Variants in ACBD6 observed in about 807,000 individuals in gnomAD.
ACBD6 encodes acyl-CoA binding domain containing 6, also known as acyl-CoA-binding domain-containing protein 6.
A neutral mutation model predicts 37.2 loss-of-function variants in ACBD6; 28 were observed. That is an observed-to-expected ratio of 0.75 (90% CI 0.56 to 1.03). The LOEUF (loss-of-function observed/expected upper bound fraction) is 1.03. Among genes scored for constraint, ACBD6 ranks in the 50% least tolerant of loss-of-function variants. The pLI, the probability that ACBD6 is intolerant of heterozygous loss-of-function variation, is 0.00. For synonymous variants in ACBD6, 113 were observed against 126.8 expected, an observed-to-expected ratio of 0.89 and a Z score of 0.73; for missense variants, 340 against 337.4, an observed-to-expected ratio of 1.01 and a Z score of -0.06.
intron 7 of ACBD6, among the ~76,000 whole-genome samples, chr1:180,301,147 A>G (rs74132456): frequency 0.052 from 7,871 of 152,258 alleles, 657 homozygotes; most frequent in African/African-American, 0.17. Context: ...CACAGAAACA[A>G]TAACACCACT....
At chr1:180,439,185 T>G (rs1649179786) in intron 3 of ACBD6, among the ~76,000 whole-genome samples, 1 of 152,204 alleles carries the variant, frequency 6.6e-6, no homozygotes, top group Non-Finnish European at 1.5e-5. Context: ...TCAGTAGTGT[T>G]AACTATATGC....
At chr1:180,282,066 G>A (rs1405669454) in intron 8 of ACBD6, among the ~76,000 whole-genome samples, 1 of 151,900 alleles carries the variant, frequency 6.6e-6, no homozygotes, top group East Asian at 1.9e-4. Context: ...TTTTCCTTTA[G>A]CCATCTCCAA....
chr1:180,497,341 C>T (rs1651777983), intron 1 of ACBD6, among the ~76,000 whole-genome samples: 1 of 151,992 alleles, frequency 6.6e-6, no homozygotes, highest in African/African-American at 2.4e-5. Flanking sequence ...AAAAGTGATA[C>T]AAATACCTTC....
chr1:180,412,480 G>A (rs1479008223), intron 5 of ACBD6, among the ~76,000 whole-genome samples: 2 of 152,180 alleles, frequency 1.3e-5, no homozygotes, highest in African/African-American at 4.8e-5. Context: ...ATGATTAGAA[G>A]TGAGTTAGCA....
intron 6 of ACBD6, among the ~76,000 whole-genome samples, chr1:180,318,794 G>A (rs1650937179): frequency 6.6e-6 from 1 of 152,150 alleles, no homozygotes; most frequent in Admixed American, 6.5e-5. Context: ...TACCCCATAG[G>A]TATTGAGACT....
At chr1:180,290,973 A>G (rs1649684585) in intron 7 of ACBD6, among the ~76,000 whole-genome samples, 1 of 152,154 alleles carries the variant, frequency 6.6e-6, no homozygotes, top group South Asian at 2.1e-4. Context: ...TTCTGTCCCT[A>G]TAGTTTTGTC....
At chr1:180,398,244 G>A (rs1654339511) in intron 5 of ACBD6, among the ~76,000 whole-genome samples, 1 of 152,126 alleles carries the variant, frequency 6.6e-6, no homozygotes, top group African/African-American at 2.4e-5. Flanking sequence ...TGAACTGTAA[G>A]AAAATGCTTT....
At chr1:180,308,675 G>A (rs1571342994) in intron 7 of ACBD6, among the ~76,000 whole-genome samples, 1 of 152,228 alleles carries the variant, frequency 6.6e-6, no homozygotes, top group African/African-American at 2.4e-5. Context: ...TGGCTCATGT[G>A]CAGGATCTCA....
chr1:180,290,833 C>T (rs1558235830), intron 7 of ACBD6, among the ~76,000 whole-genome samples: 1 of 152,160 alleles, frequency 6.6e-6, no homozygotes, highest in Non-Finnish European at 1.5e-5. Context: ...GTTGAAAGTA[C>T]AGAGGTTGGA....
intron 6 of ACBD6, among the ~76,000 whole-genome samples, chr1:180,341,292 A>C: frequency 6.6e-6 from 1 of 152,182 alleles, no homozygotes; most frequent in Admixed American, 6.5e-5. Context: ...CTAGGTAGTC[A>C]TAAGAAATTA....
chr1:180,334,676 G>A (rs997755753), intron 6 of ACBD6, among the ~76,000 whole-genome samples: 6 of 152,204 alleles, frequency 3.9e-5, no homozygotes, highest in Non-Finnish European at 7.3e-5. Flanking sequence ...ACTTTGATGA[G>A]TTGAGAGAAG....
chr1:180,455,048 C>A (rs936976319), intron 3 of ACBD6, among the ~76,000 whole-genome samples: 3 of 152,170 alleles, frequency 2.0e-5, no homozygotes, highest in Admixed American at 2.0e-4. Flanking sequence ...ATAAATCATG[C>A]TGCTATAAAG....
chr1:180,331,101 T>C (rs1651462168), intron 6 of ACBD6, among the ~76,000 whole-genome samples: 3 of 152,210 alleles, frequency 2.0e-5, no homozygotes, highest in Admixed American at 2.0e-4. Flanking sequence ...ATGTGGGGTC[T>C]ATCTTGGCTT....
chr1:180,475,910 T>G (rs1650760308), intron 3 of ACBD6, among the ~76,000 whole-genome samples: 1 of 152,206 alleles, frequency 6.6e-6, no homozygotes, highest in Non-Finnish European at 1.5e-5. Flanking sequence ...TCATTTTCCC[T>G]TTTACTTAAA....
intron 3 of ACBD6, among the ~76,000 whole-genome samples, chr1:180,439,857 C>T (rs907589633): frequency 6.6e-6 from 1 of 152,122 alleles, no homozygotes; most frequent in South Asian, 2.1e-4. Flanking sequence ...GGAGTGATAA[C>T]TTGCAGGTTC....
chr1:180,328,679 G>A (rs900780418), intron 6 of ACBD6, among the ~76,000 whole-genome samples: 13 of 151,982 alleles, frequency 8.6e-5, no homozygotes, highest in African/African-American at 1.2e-4. Context: ...TGAGAAATTC[G>A]AAGTAGTAAT....
At chr1:180,323,879 T>C (rs1398225387) in intron 6 of ACBD6, among the ~76,000 whole-genome samples, 4 of 344 alleles carry the variant, frequency 0.012, 2 homozygotes, top group Non-Finnish European at 0.018. Context: ...TTTTTTTTTT[T>C]TTTTTTTTTT....
At chr1:180,310,359 T>A (rs116424366) in intron 7 of ACBD6, among the ~76,000 whole-genome samples, 1 of 152,074 alleles carries the variant, frequency 6.6e-6, no homozygotes, top group African/African-American at 2.4e-5. Flanking sequence ...AAACACTGAC[T>A]CACAAACAAA....
chr1:180,500,985 A>G (rs562259449), intron 1 of ACBD6, among the ~76,000 whole-genome samples: 1 of 152,348 alleles, frequency 6.6e-6, no homozygotes, highest in African/African-American at 2.4e-5. Flanking sequence ...CTTATGATAA[A>G]GCAATTATTT....
Sources: allele counts gnomAD v4.1 joint callset (sites outside exome capture counted in the v4.1 genomes callset), GRCh38; gene constraint gnomAD v4.1.1; transcripts MANE v1.5; gene names NCBI Gene and HGNC (gene_info 2026-07-23, HGNC 2026-07-21).